SLC24A2: variants seen among roughly 807,000 people sequenced by gnomAD.
SLC24A2 encodes solute carrier family 24 member 2.
In SLC24A2, 36 loss-of-function variants were observed where a neutral mutation model predicts 62.0. The ratio of observed to expected loss-of-function variants is 0.58; its 90% CI spans 0.44 to 0.77. The LOEUF (loss-of-function observed/expected upper bound fraction) is 0.77, where lower values mean the gene tolerates loss of function less well. Among genes scored for constraint, SLC24A2 ranks in the 30% least tolerant of loss-of-function variants. The pLI, the probability that SLC24A2 is intolerant of heterozygous loss-of-function variation, is 0.00. For synonymous variants in SLC24A2, 358 were observed against 294.0 expected (o/e 1.22, Z -2.23); for missense variants, 846 against 817.9 (o/e 1.03, Z -0.42).
the SLC24A2 span, among the ~76,000 whole-genome samples, chr9:20,215,422 A>G: frequency 2.0e-4 from 31 of 152,228 alleles, no homozygotes; most frequent in Non-Finnish European, 4.4e-4. Context: ...TAGAATGAGA[A>G]GACTCACAAG....
At chr9:20,302,435 A>G in the SLC24A2 span, among the ~76,000 whole-genome samples, 1 of 152,192 alleles carries the variant, frequency 6.6e-6, no homozygotes, top group Non-Finnish European at 1.5e-5. Context: ...TCTAATAGGT[A>G]TGTAATGGTA....
chr9:19,663,490 G>T (rs1423904309), intron 2 of SLC24A2, among the ~76,000 whole-genome samples: 1 of 152,118 alleles, frequency 6.6e-6, no homozygotes, highest in Non-Finnish European at 1.5e-5. Context: ...AACTGTGAAC[G>T]GTAGTGACAG....
In SLC24A2 at chr9:19,534,446, T is replaced by A. The variant is rs76672981; in HGVS notation, c.1480-6308A>T. 1.2e-3 allele frequency among the ~76,000 whole-genome samples: 181 copies of A among 152,278 alleles called. 1 individual carries two copies. The highest frequency in any genetic ancestry group is 4.1e-3 in the African/African-American group (170 of 41,536). ...TTAGGTATACATGTGCCATGGTGGTTTGCTGCACCCATCAACCTGTCACCT... is the reference window on the plus strand; with the variant it reads ...TTAGGTATACATGTGCCATGGTGGTATGCTGCACCCATCAACCTGTCACCT... On this transcript the variant is annotated intron_variant, in intron 8 of 10. Coordinates refer to ENST00000341998, the MANE Select transcript of SLC24A2 (RefSeq NM_020344.4).
chr9:19,980,774 A>T, the SLC24A2 span, among the ~76,000 whole-genome samples: 1 of 152,176 alleles, frequency 6.6e-6, no homozygotes, highest in South Asian at 2.1e-4. Context: ...CACAGAGCCA[A>T]ATATCCCATC....
At chr9:20,164,812 T>G in the SLC24A2 span, among the ~76,000 whole-genome samples, 1 of 151,574 alleles carries the variant, frequency 6.6e-6, no homozygotes, top group African/African-American at 2.4e-5. Context: ...CCATAAAAAA[T>G]GATGAGTTCA....
the SLC24A2 span, among the ~76,000 whole-genome samples, chr9:20,164,363 C>T: frequency 1.8e-3 from 275 of 151,978 alleles, 5 homozygotes; most frequent in African/African-American, 6.3e-3. Flanking sequence ...ATTTATGCAG[C>T]GAAAAAAACA....
intron 8 of SLC24A2, among the ~76,000 whole-genome samples, chr9:19,541,190 C>G (rs1648806248): frequency 1.5e-5 from 2 of 136,654 alleles, no homozygotes; most frequent in Non-Finnish European, 3.1e-5. Flanking sequence ...TCGTCTGAAG[C>G]CTTCTTCTCT....
At chr9:19,583,596 A>ATG (rs1044183496) in intron 5 of SLC24A2, among the ~76,000 whole-genome samples, 2 of 152,082 alleles carry the variant, frequency 1.3e-5, no homozygotes, top group African/African-American at 4.8e-5. Flanking sequence ...TGACTCTGTG[A>ATG]TGTGCTTCCT....
chr9:19,564,022 T>A (rs1001329816), intron 7 of SLC24A2, among the ~76,000 whole-genome samples: 8 of 151,642 alleles, frequency 5.3e-5, no homozygotes, highest in Admixed American at 2.0e-4. Flanking sequence ...CCCTGCTAAT[T>A]TTTTGTATTT....
chr9:19,862,998 C>A, the SLC24A2 span, among the ~76,000 whole-genome samples: 1 of 151,752 alleles, frequency 6.6e-6, no homozygotes, highest in Admixed American at 6.6e-5. Context: ...GTCTTTACTA[C>A]AAGAAACACA....
chr9:19,713,116 A>G (rs186008779), intron 2 of SLC24A2, among the ~76,000 whole-genome samples: 7 of 152,254 alleles, frequency 4.6e-5, no homozygotes, highest in African/African-American at 1.2e-4. Context: ...AGCTAACATC[A>G]TATCAGATAC....
At chr9:20,257,805 T>C in the SLC24A2 span, among the ~76,000 whole-genome samples, 81 of 152,316 alleles carry the variant, frequency 5.3e-4, no homozygotes, top group African/African-American at 1.9e-3. Flanking sequence ...TAAATAATGG[T>C]TCCCATCCCC....
intron 2 of SLC24A2, among the ~76,000 whole-genome samples, chr9:19,772,751 C>A (rs1197552640): frequency 1.3e-5 from 2 of 152,158 alleles, no homozygotes; most frequent in African/African-American, 4.8e-5. Flanking sequence ...CACAGGAAAG[C>A]AAAATGGTCC....
Position 19,606,155 on chromosome 9 carries a change from A to G in SLC24A2, c.1079-8876T>C, listed in dbSNP as rs1157655375. ...AGAAAATAGTTGTAACCTATTCCAG[A>G]TAGGAAACCTTGCATGACCTGCTGC... On this transcript the variant is annotated intron_variant, in intron 4 of 10. Coordinates refer to ENST00000341998, the MANE Select transcript of SLC24A2 (RefSeq NM_020344.4). Among the ~76,000 whole-genome samples, 3 of 152,186 alleles carry G rather than the reference A, an allele frequency of 2.0e-5. No homozygotes were observed. The East Asian group carries it at 5.8e-4, about 29-fold the overall frequency.
intron 4 of SLC24A2, among the ~76,000 whole-genome samples, chr9:19,600,996 G>T (rs954233126): frequency 1.3e-5 from 2 of 152,124 alleles, no homozygotes; most frequent in Non-Finnish European, 2.9e-5. Context: ...GGGTCTAGTG[G>T]GGACTTGGAG....
chr9:19,770,073 C>A (rs1822639068), intron 2 of SLC24A2, among the ~76,000 whole-genome samples: 1 of 151,014 alleles, frequency 6.6e-6, no homozygotes. Flanking sequence ...TATATTGTCC[C>A]ATGTAGACTG....
intron 2 of SLC24A2, among the ~76,000 whole-genome samples, chr9:19,677,042 G>A (rs995902933): frequency 1.3e-5 from 2 of 152,108 alleles, no homozygotes; most frequent in Admixed American, 1.3e-4. Context: ...AAGACCTAAA[G>A]ACAGAAACAT....
the SLC24A2 span, among the ~76,000 whole-genome samples, chr9:19,837,382 G>A: frequency 6.9e-6 from 1 of 143,978 alleles, no homozygotes; most frequent in Non-Finnish European, 1.5e-5. Context: ...AACCCGGGAA[G>A]TGGAGCTTGC....
the SLC24A2 span, among the ~76,000 whole-genome samples, chr9:20,107,524 C>T: frequency 1.3e-5 from 2 of 152,042 alleles, no homozygotes; most frequent in Admixed American, 6.5e-5. Context: ...AGAACAGAAC[C>T]CTCAGAAATA....
Sources: allele counts gnomAD v4.1 joint callset (sites outside exome capture counted in the v4.1 genomes callset), GRCh38; gene constraint gnomAD v4.1.1; transcripts MANE v1.5; gene names NCBI Gene and HGNC (gene_info 2026-07-23, HGNC 2026-07-21).